The following CACNA2D3 variants were observed in gnomAD, a reference collection of about 807,000 sequenced individuals.
CACNA2D3 encodes calcium voltage-gated channel auxiliary subunit alpha2delta 3, also known as voltage-dependent calcium channel subunit alpha-2/delta-3.
A neutral mutation model predicts 160.6 loss-of-function variants in CACNA2D3; 60 were observed. That is an observed-to-expected ratio of 0.37 (90% confidence interval 0.30 to 0.46). CACNA2D3 has a LOEUF of 0.46. CACNA2D3 is among the 20% of genes least tolerant of loss of function. The probability of loss-of-function intolerance (pLI) is 1.00; values close to 1 mark genes in which losing one functional copy is unlikely to be tolerated. For synonymous variants in CACNA2D3, 558 were observed against 492.9 expected (o/e 1.13, Z -1.75); for missense variants, 1,205 against 1,365.0 (o/e 0.88, Z 1.85).
intron 13 of CACNA2D3, among the ~76,000 whole-genome samples, chr3:54,773,837 T>C (rs1280941568): frequency 1.3e-5 from 2 of 152,214 alleles, no homozygotes; most frequent in Non-Finnish European, 2.9e-5. Context: ...AAAATTATTA[T>C]CTTCAGAAAA....
intron 11 of CACNA2D3, among the ~76,000 whole-genome samples, chr3:54,743,917 A>G (rs549240743): frequency 5.7e-4 from 87 of 152,244 alleles, no homozygotes; most frequent in African/African-American, 2.0e-3. Flanking sequence ...CCAATCAACA[A>G]GTGTTTGAGT....
chr3:54,386,853 G>GAAAA, intron 4 of CACNA2D3, 79 bp downstream of exon 4: 2 of 1,299,510 alleles, frequency 1.5e-6, no homozygotes, highest in Non-Finnish European at 2.1e-6. Flanking sequence ...CAGGAATACT[G>GAAAA]ATTTTTCAGT....
intron 5 of CACNA2D3, among the ~76,000 whole-genome samples, chr3:54,533,455 C>G (rs1369714674): frequency 6.6e-6 from 1 of 151,420 alleles, no homozygotes; most frequent in Non-Finnish European, 1.5e-5. Context: ...TTGCTTCAGC[C>G]TCCCAAGTAG....
Position 54,122,793 on chromosome 3 carries a change from TG to T in CACNA2D3, c.85del (p.Asp29ThrfsTer14). 1 of 1,230,562 alleles carries T rather than the reference TG, an allele frequency of 8.1e-7. No individual in the cohort carries two copies. 76.2% of individuals were successfully genotyped at this position (1,230,562 alleles called of 1,614,324 possible). On this transcript the variant is annotated frameshift_variant, in exon 1 of 38. Transcript: ENST00000474759. LOFTEE classifies it high-confidence loss of function. Reference protein sequence around the residue: ...LLAAALLYAALGDVVRSEQQI... With the variant: ...LLAAALLYAAXGDVVRSEQQI... ...GCTGCCGCGCTTCTCTACGCCGCGC[TG>T]GGGGACGTGGTGCGCTCGGAGCAGC... is the stretch of plus-strand genomic sequence containing the variant.
intron 13 of CACNA2D3, among the ~76,000 whole-genome samples, chr3:54,782,193 A>G (rs1237025968): frequency 2.0e-5 from 3 of 152,230 alleles, no homozygotes; most frequent in Non-Finnish European, 2.9e-5. Flanking sequence ...AATGAGGTCA[A>G]TTGACCATTT....
At chr3:55,012,631 A>C (rs1703233796) in intron 34 of CACNA2D3, among the ~76,000 whole-genome samples, 1 of 152,142 alleles carries the variant, frequency 6.6e-6, no homozygotes, top group East Asian at 1.9e-4. Context: ...TCCCAGGGGA[A>C]TGGCTGGAGA....
At chr3:54,211,995 A>G (rs961940690) in intron 2 of CACNA2D3, among the ~76,000 whole-genome samples, 2 of 152,040 alleles carry the variant, frequency 1.3e-5, no homozygotes, top group African/African-American at 2.4e-5. Context: ...AGAAATCTCA[A>G]CTTCACCCAC....
chr3:54,620,043 G>A (rs1289773068), intron 9 of CACNA2D3, among the ~76,000 whole-genome samples: 1 of 152,130 alleles, frequency 6.6e-6, no homozygotes. Flanking sequence ...GGCACCCTTT[G>A]AGCCTCTGAA....
At chr3:54,506,979 A>T (rs538063589) in intron 5 of CACNA2D3, among the ~76,000 whole-genome samples, 1 of 152,278 alleles carries the variant, frequency 6.6e-6, no homozygotes, top group Non-Finnish European at 1.5e-5. Flanking sequence ...TATACACATT[A>T]TATATACACA....
chr3:54,156,161 A>T (rs2107289770), intron 2 of CACNA2D3, among the ~76,000 whole-genome samples: 1 of 152,312 alleles, frequency 6.6e-6, no homozygotes, highest in Admixed American at 6.5e-5. Context: ...ATCTGGGTGC[A>T]AATAGCTTAT....
At chr3:54,577,641 CT>C (rs1345702534) in intron 8 of CACNA2D3, among the ~76,000 whole-genome samples, 1 of 151,376 alleles carries the variant, frequency 6.6e-6, no homozygotes, top group Non-Finnish European at 1.5e-5. Context: ...TATTTTCTTT[CT>C]TTTTTGTGCA....
At chr3:54,850,864 G>A (rs1408597988) in intron 17 of CACNA2D3, among the ~76,000 whole-genome samples, 1 of 152,250 alleles carries the variant, frequency 6.6e-6, no homozygotes, top group Admixed American at 6.5e-5. Context: ...AAATCTGCCA[G>A]TCACATGGGT....
At chr3:54,945,763 T>C (rs1011675794) in intron 27 of CACNA2D3, among the ~76,000 whole-genome samples, 1 of 152,124 alleles carries the variant, frequency 6.6e-6, no homozygotes, top group African/African-American at 2.4e-5. Flanking sequence ...ATTATAGGTG[T>C]CCTGGGCCAT....
In CACNA2D3 at chr3:54,710,238, T is replaced by C. The variant is rs141597901; in HGVS notation, c.1168-42361T>C. Among the ~76,000 whole-genome samples, 43 of 152,288 alleles carry C rather than the reference T, an allele frequency of 2.8e-4. No homozygotes were observed. The East Asian group carries it at 8.1e-3, about 29-fold the overall frequency. ...ACTTAATGGCAAATTGTGGTAAGTA[T>C]GATGAAGGGAAAATCAATGTCTTGA... On this transcript the variant is annotated intron_variant, in intron 11 of 37. Transcript: ENST00000474759.
chr3:54,896,752 C>A lies in CACNA2D3; in HGVS notation c.2250C>A (p.Asp750Glu). 1 of 1,614,002 alleles carries A rather than the reference C, an allele frequency of 6.2e-7. No homozygotes were observed. Among genetic ancestry groups the A allele is most frequent in the African/African-American group, 1.3e-5 (1 of 75,064 alleles). Residue 750 changes from aspartate to glutamate, a missense_variant, in exon 26 of 38, where the codon GAC becomes GAA. Coordinates refer to ENST00000474759, the MANE Select transcript of CACNA2D3 (RefSeq NM_018398.3). ...TCTGATTCTTTTCCACTTCAAGGGA[C>A]TTCCTGAAAGCTGGCGACAAGGAGA... is the stretch of plus-strand genomic sequence containing the variant. ...FVGAEQLTNQDFLKAGDKENI... is the reference protein window; with the variant it reads ...FVGAEQLTNQEFLKAGDKENI...
At chr3:55,010,921 T>A (rs559554704) in intron 34 of CACNA2D3, among the ~76,000 whole-genome samples, 89 of 152,224 alleles carry the variant, frequency 5.8e-4, no homozygotes, top group Non-Finnish European at 1.0e-3. Context: ...GTCTTAAACA[T>A]TGTTCTCTCT....
At chr3:54,971,049 G>A (rs1243804111) in intron 29 of CACNA2D3, among the ~76,000 whole-genome samples, 6 of 151,944 alleles carry the variant, frequency 3.9e-5, no homozygotes, top group Non-Finnish European at 7.4e-5. Flanking sequence ...AAAACAAAAT[G>A]CTCGGTCCCA....
At chr3:54,806,215 G>A (rs1703117908) in intron 13 of CACNA2D3, among the ~76,000 whole-genome samples, 1 of 152,178 alleles carries the variant, frequency 6.6e-6, no homozygotes, top group African/African-American at 2.4e-5. Flanking sequence ...CAATCAGGCG[G>A]GAGAAGGAAA....
At chr3:54,493,937 C>T (rs1701156862) in intron 4 of CACNA2D3, among the ~76,000 whole-genome samples, 2 of 152,232 alleles carry the variant, frequency 1.3e-5, no homozygotes, top group Non-Finnish European at 2.9e-5. Context: ...AGTTTGCTGG[C>T]CCCTGCCCTA....
Sources: gnomAD v4.1 joint callset for allele counts (sites outside exome capture counted in the v4.1 genomes callset) on GRCh38, gnomAD v4.1.1 for gene constraint, MANE v1.5 for transcripts, NCBI Gene and HGNC (gene_info 2026-07-23, HGNC 2026-07-21) for gene names.